The following LRRCC1 variants were observed in gnomAD, a reference collection of about 807,000 sequenced individuals.
LRRCC1 encodes the protein leucine rich repeat and coiled-coil centrosomal protein 1, also known as leucine-rich repeat and coiled-coil domain-containing protein 1.
A neutral mutation model predicts 126.0 loss-of-function variants in LRRCC1; 115 were observed. The ratio of observed to expected loss-of-function variants is 0.91; its 90% CI spans 0.78 to 1.07. The LOEUF (loss-of-function observed/expected upper bound fraction) is 1.07. Among genes scored for constraint, LRRCC1 ranks in the 50% least tolerant of loss-of-function variants. The pLI is 0.00. For synonymous variants in LRRCC1, 400 were observed against 393.4 expected (o/e 1.02, Z -0.20); for missense variants, 1,172 against 1,175.7 (o/e 1.00, Z 0.05).
rs551190307 is a variant in LRRCC1, at chr8:85,145,813, G to C, written c.*302G>C. On this transcript the variant is annotated 3_prime_UTR_variant, in exon 19 of 19. Coordinates refer to ENST00000360375, the MANE Select transcript of LRRCC1 (RefSeq NM_033402.5). The stretch of plus-strand genomic sequence containing the variant: ...TTGCCTACAAATTTGTGAATGAAAA[G>C]ATTAGTATTTTCACCATATGAGGTA... The C allele has an allele frequency of 1.2e-5, 2 of 163,298 alleles. No individual in the cohort carries two copies. Among genetic ancestry groups the C allele is most frequent in the African/African-American group, 2.4e-5 (1 of 41,808 alleles). 10.1% of individuals were successfully genotyped at this position (163,298 alleles called of 1,614,324 possible).
At chr8:85,130,193 T>C (rs1810351568) in intron 11 of LRRCC1, 135 bp downstream of exon 11, 1 of 562,434 alleles carries the variant, frequency 1.8e-6, no homozygotes, top group Non-Finnish European at 2.8e-6. Context: ...TGGAGTGCAA[T>C]GGCGCAATCT....
chr8:85,124,904 G>A lies in LRRCC1; in HGVS notation c.1237G>A (p.Val413Ile), dbSNP rs373079905. 87 of 1,606,116 alleles carry A rather than the reference G, an allele frequency of 5.4e-5. No individual in the cohort carries two copies. The highest frequency in any genetic ancestry group is 6.8e-5 in the Non-Finnish European group (80 of 1,176,764). ...SEKPKTEIIK[V>I]DQSHSEDNTY... The stretch of plus-strand genomic sequence containing the variant: ...AAAGCCAAAGACTGAAATAATTAAA[G>A]TAGACCAAAGTCACTCAGAAGACAA... Residue 413 changes from valine (V) to isoleucine (I), a missense_variant, in exon 8 of 19, where the codon GTA (valine) becomes ATA (isoleucine). Transcript: ENST00000360375.
intron 12 of LRRCC1, among the ~76,000 whole-genome samples, chr8:85,133,300 G>A (rs2135981975): frequency 6.6e-6 from 1 of 152,122 alleles, no homozygotes; most frequent in South Asian, 2.1e-4. Flanking sequence ...TGCATTTCTT[G>A]GTTTTCTTGG....
At chr8:85,107,542 G>A (rs903244001) in intron 1 of LRRCC1, 143 bp downstream of exon 1, 13 of 676,002 alleles carry the variant, frequency 1.9e-5, no homozygotes, top group Admixed American at 1.3e-4. Flanking sequence ...CGGCCTCCCC[G>A]CTCCTCCAAA....
intron 6 of LRRCC1, among the ~76,000 whole-genome samples, chr8:85,122,819 A>G (rs1048199444): frequency 6.6e-6 from 1 of 152,208 alleles, no homozygotes; most frequent in African/African-American, 2.4e-5. Flanking sequence ...TAGATACTCT[A>G]GATTTGGTTA....
intron 6 of LRRCC1, among the ~76,000 whole-genome samples, chr8:85,122,319 T>G (rs1424271004): frequency 1.3e-5 from 2 of 152,218 alleles, no homozygotes; most frequent in Non-Finnish European, 2.9e-5. Context: ...TTGGGAAATT[T>G]CTTCCAATAT....
chr8:85,116,516 G>A lies in LRRCC1; in HGVS notation c.930+932G>A, dbSNP rs144420289. Among the ~76,000 whole-genome samples the A allele has an allele frequency of 1.1e-4, 16 of 152,114 alleles. No homozygotes were observed. The East Asian group carries it at 3.1e-3, about 29-fold the overall frequency. On this transcript the variant is annotated intron_variant, in intron 6 of 18. Transcript: ENST00000360375. The stretch of plus-strand genomic sequence containing the variant: ...GCCTCCTGCGTAGCTGGGACTACAG[G>A]CACATGCCACTGTGCCTAGCTAATT...
At chr8:85,125,656 G>A (rs1323837445) in intron 8 of LRRCC1, among the ~76,000 whole-genome samples, 15 of 75,310 alleles carry the variant, frequency 2.0e-4, no homozygotes, top group Admixed American at 1.6e-3. Context: ...CTGGGCGACA[G>A]AGCGAGACTC....
intron 7 of LRRCC1, 64 bp downstream of exon 7, chr8:85,123,670 A>C: frequency 1.6e-6 from 2 of 1,214,000 alleles, no homozygotes; most frequent in South Asian, 3.1e-5. Flanking sequence ...TTCTCTCTTG[A>C]AGCTATCTCT....
intron 6 of LRRCC1, among the ~76,000 whole-genome samples, chr8:85,121,768 G>C (rs765249639): frequency 7.2e-5 from 11 of 152,128 alleles, no homozygotes; most frequent in Non-Finnish European, 1.5e-4. Flanking sequence ...TCTAGGTTTT[G>C]TTTTGGTCTG....
At chr8:85,127,927 C>T (rs531951983) in intron 9 of LRRCC1, among the ~76,000 whole-genome samples, 21 of 152,306 alleles carry the variant, frequency 1.4e-4, no homozygotes, top group African/African-American at 4.8e-4. Flanking sequence ...AGTGCTCTGA[C>T]TACCTCAGAA....
At chr8:85,118,548 C>G (rs1360860412) in intron 6 of LRRCC1, among the ~76,000 whole-genome samples, 2 of 151,962 alleles carry the variant, frequency 1.3e-5, no homozygotes, top group East Asian at 3.9e-4. Flanking sequence ...GTGAGGTTAG[C>G]ATTGCTTTTA....
intron 4 of LRRCC1, among the ~76,000 whole-genome samples, chr8:85,114,567 G>C (rs935620451): frequency 8.6e-5 from 13 of 151,858 alleles, no homozygotes; most frequent in African/African-American, 3.1e-4. Flanking sequence ...TTGTTCTTAG[G>C]GAAAATAAAC....
rs551964362 is a variant in LRRCC1 at position 85,109,632 on chromosome 8, G to A, written c.142G>A (p.Val48Ile). Residue 48 changes from valine to isoleucine, a missense_variant, in exon 2 of 19, where the codon GTC (valine) becomes ATC (isoleucine). Transcript: ENST00000360375. ...ATCTTTAGATTCAACTCTTCATGCC[G>A]TCAATCTTCATTGCAATAACATCTC... Reference protein sequence around the residue: ...ELSLDSTLHAVNLHCNNISKI... With the variant: ...ELSLDSTLHAINLHCNNISKI... 19 of 1,609,796 alleles carry A rather than the reference G, an allele frequency of 1.2e-5. No individual in the cohort carries two copies. The highest frequency in any genetic ancestry group is 9.4e-5 in the African/African-American group (7 of 74,766).
At chr8:85,118,521 C>T (rs554499946) in intron 6 of LRRCC1, among the ~76,000 whole-genome samples, 34 of 152,076 alleles carry the variant, frequency 2.2e-4, no homozygotes, top group Admixed American at 3.9e-4. Context: ...GTTTTTCTGC[C>T]ACCTCACCAA....
At chr8:85,118,849 A>G (rs1449877328) in intron 6 of LRRCC1, among the ~76,000 whole-genome samples, 1 of 152,024 alleles carries the variant, frequency 6.6e-6, no homozygotes, top group African/African-American at 2.4e-5. Flanking sequence ...TTGATAAGCA[A>G]TAGTGTTTAA....
chr8:85,136,550 C>T (rs1402174528), intron 14 of LRRCC1, among the ~76,000 whole-genome samples: 1 of 152,150 alleles, frequency 6.6e-6, no homozygotes, highest in Non-Finnish European at 1.5e-5. Flanking sequence ...GCTGGGATTA[C>T]AGGCGTGACC....
At position 85,124,799 on chromosome 8, in the gene LRRCC1, C is replaced by G; in HGVS notation, c.1132C>G (p.Arg378Gly). The change falls in exon 8 of 19, where the codon CGT becomes GGT. Residue 378 changes from arginine (R) to glycine (G), a missense_variant. Physicochemically the swap from Arg to Gly is moderately radical, Grantham distance 125 (BLOSUM62 -2). Coordinates refer to ENST00000360375, the MANE Select transcript of LRRCC1 (RefSeq NM_033402.5). ...KNYNSFVSCN[R>G]KMKPPYLKEL... The stretch of plus-strand genomic sequence containing the variant: ...ATGTTTCATTCTTTACAGTTGTAAT[C>G]GTAAAATGAAACCACCTTACCTTAA... 1 of 1,545,564 alleles carries G rather than the reference C, an allele frequency of 6.5e-7. No homozygotes were observed. Among genetic ancestry groups the G allele is most frequent in the Non-Finnish European group, 8.8e-7 (1 of 1,139,562 alleles).
chr8:85,132,042 A>G, intron 12 of LRRCC1, 81 bp downstream of exon 12: 1 of 1,163,828 alleles, frequency 8.6e-7, no homozygotes, highest in South Asian at 1.6e-5. Context: ...TTAGAAACAT[A>G]GCTGTATTAA....
Sources: allele counts gnomAD v4.1 joint callset (sites outside exome capture counted in the v4.1 genomes callset), GRCh38; gene constraint gnomAD v4.1.1; transcripts MANE v1.5; gene names NCBI Gene and HGNC (gene_info 2026-07-23, HGNC 2026-07-21).